The following FGF14 variants were observed in gnomAD, a reference collection of about 807,000 sequenced individuals.
FGF14 encodes the protein fibroblast growth factor homologous factor 4.
In FGF14, 5 loss-of-function variants were observed where a neutral mutation model predicts 25.5. The ratio of observed to expected loss-of-function variants is 0.20; its 90% confidence interval spans 0.10 to 0.41. FGF14 has a LOEUF of 0.41. Ranked by LOEUF, FGF14 falls within the 10% of genes least tolerant of loss-of-function variation. FGF14 has a pLI of 1.00. For missense variants in FGF14, 222 were observed against 320.1 expected, an observed-to-expected ratio of 0.69 and a Z score of 2.34; for synonymous variants, 138 against 118.3, an observed-to-expected ratio of 1.17 and a Z score of -1.08.
intron 1 of FGF14, among the ~76,000 whole-genome samples, chr13:101,923,367 AT>A (rs1444106360): frequency 1.3e-5 from 2 of 152,074 alleles, no homozygotes; most frequent in Non-Finnish European, 2.9e-5. Context: ...ATATATTGGC[AT>A]TTGTTTAAAT....
chr13:102,108,637 G>T (rs1214800932), intron 1 of FGF14, among the ~76,000 whole-genome samples: 1 of 152,150 alleles, frequency 6.6e-6, no homozygotes, highest in Non-Finnish European at 1.5e-5. Context: ...ATAGATGCAA[G>T]GGTGTGTATA....
chr13:101,872,815 C>A (rs922164648), intron 2 of FGF14, among the ~76,000 whole-genome samples: 5 of 151,966 alleles, frequency 3.3e-5, no homozygotes, highest in Non-Finnish European at 7.4e-5. Flanking sequence ...ACTTGAAATG[C>A]AATATAATGT....
chr13:102,275,234 T>TTCTCTCCCTCTCTC (rs2053456365), intron 1 of FGF14, among the ~76,000 whole-genome samples: 6 of 67,448 alleles, frequency 8.9e-5, no homozygotes, highest in African/African-American at 1.3e-4. Flanking sequence ...TTAGGCAGAT[T>TTCTCTCCCTCTCTC]TCTCTCTCTC....
rs146488901 is a variant in FGF14 at position 101,754,985 on chromosome 13, A to T, written c.409-28175T>A. 7.2e-5 allele frequency among the ~76,000 whole-genome samples: 11 copies of T among 152,314 alleles called. 1 individual carries two copies. Among genetic ancestry groups the T allele is most frequent in the African/African-American group, 2.6e-4 (11 of 41,582 alleles). ...GACATATCTTTTTGCCTAAGAACTTATACGGCATATCAACATTGTTGCAAG... is the reference window on the plus strand; with the variant it reads ...GACATATCTTTTTGCCTAAGAACTTTTACGGCATATCAACATTGTTGCAAG... On this transcript the variant is annotated intron_variant, in intron 3 of 4. Transcript: ENST00000376143.
chr13:102,096,001 G>GTGTGTATA (rs143224591), intron 1 of FGF14, among the ~76,000 whole-genome samples: 3,834 of 134,964 alleles, frequency 0.028, 67 homozygotes, highest in Non-Finnish European at 0.041. Flanking sequence ...GTGTGTGTGT[G>GTGTGTATA]TATATATATA....
intron 1 of FGF14, among the ~76,000 whole-genome samples, chr13:102,066,812 C>T (rs1429950178): frequency 6.6e-6 from 1 of 152,176 alleles, no homozygotes; most frequent in African/African-American, 2.4e-5. Context: ...AAAACAAGAG[C>T]TCCCCCCTTT....
In FGF14 at chr13:101,713,127, C is replaced by A. The variant is rs894051989; in HGVS notation, c.*9704G>T. 5 of 152,178 alleles carry A rather than the reference C, an allele frequency of 3.3e-5. No individual in the cohort carries two copies. Among genetic ancestry groups the A allele is most frequent in the African/African-American group, 9.6e-5 (4 of 41,456 alleles). The allele number at this position is 152,178 out of a possible 1,614,324, so 9.4% of individuals were successfully genotyped here. A position where few individuals can be genotyped will look rare whatever the true frequency, so the allele number is the denominator to read the frequency against. On this transcript the variant is annotated 3_prime_UTR_variant, in exon 5 of 5. Coordinates refer to ENST00000376143, the MANE Select transcript of FGF14 (RefSeq NM_004115.4). ...CTTTGAGAAGTGTGTCAAGAAATGG[C>A]AAACATTTAATTTGGACTTTGGGGA...
chr13:102,042,366 G>C (rs1201790499), intron 1 of FGF14, among the ~76,000 whole-genome samples: 1 of 152,196 alleles, frequency 6.6e-6, no homozygotes, highest in Non-Finnish European at 1.5e-5. Context: ...AGACACTGCA[G>C]TCTAGCTCAG....
At chr13:102,365,420 G>A (rs1208763619) in intron 1 of FGF14, among the ~76,000 whole-genome samples, 1 of 152,150 alleles carries the variant, frequency 6.6e-6, no homozygotes, top group African/African-American at 2.4e-5. Context: ...AATTCTTTGA[G>A]CCGGTTTCTT....
At chr13:101,870,788 T>C (rs772493499) in intron 2 of FGF14, among the ~76,000 whole-genome samples, 12 of 152,034 alleles carry the variant, frequency 7.9e-5, no homozygotes, top group Non-Finnish European at 1.5e-4. Flanking sequence ...ACCTCGTCTC[T>C]ACTAAAAATA....
chr13:102,232,437 G>C (rs2051127770), intron 1 of FGF14, among the ~76,000 whole-genome samples: 1 of 152,136 alleles, frequency 6.6e-6, no homozygotes, highest in Non-Finnish European at 1.5e-5. Flanking sequence ...ATTATATTCT[G>C]TTAGGTTTTT....
At chr13:101,887,825 G>A (rs1030147628) in intron 1 of FGF14, among the ~76,000 whole-genome samples, 3 of 152,154 alleles carry the variant, frequency 2.0e-5, no homozygotes, top group African/African-American at 7.2e-5. Context: ...TTGTAGTTAT[G>A]TATCTAAATA....
At position 102,152,855 on chromosome 13, in the gene FGF14, G is replaced by A. The variant is rs796432074; in HGVS notation, c.208+248616C>T. On this transcript the variant is annotated intron_variant, in intron 1 of 4. Transcript: ENST00000376131. ...TTAATGAACTAATGTTTCAAGTTCT[G>A]CTGAACATTTAATTTTAAAAGATGT... 4.6e-5 allele frequency among the ~76,000 whole-genome samples: 7 copies of A among 152,322 alleles called. No individual in the cohort carries two copies. The South Asian group carries it at 1.5e-3, about 32-fold the overall frequency.
intron 1 of FGF14, among the ~76,000 whole-genome samples, chr13:102,121,691 C>A (rs1327987023): frequency 2.0e-5 from 3 of 152,084 alleles, no homozygotes; most frequent in Non-Finnish European, 4.4e-5. Flanking sequence ...TGTACATACC[C>A]AAATGCTTCC....
intron 3 of FGF14, among the ~76,000 whole-genome samples, chr13:101,769,863 A>T (rs2038647594): frequency 6.6e-6 from 1 of 152,204 alleles, no homozygotes; most frequent in African/African-American, 2.4e-5. Context: ...AATACTCTGT[A>T]TGATACTATA....
intron 1 of FGF14, among the ~76,000 whole-genome samples, chr13:102,377,639 T>A (rs2139150445): frequency 6.6e-6 from 1 of 152,216 alleles, no homozygotes; most frequent in East Asian, 1.9e-4. Flanking sequence ...AGAAACCCCA[T>A]CTCTACTAAA....
intron 1 of FGF14, among the ~76,000 whole-genome samples, chr13:102,005,374 T>G (rs893661667): frequency 6.6e-6 from 1 of 152,236 alleles, no homozygotes; most frequent in African/African-American, 2.4e-5. Context: ...GATTTCTGTG[T>G]TCAATGCCAG....
At chr13:102,331,751 G>A (rs950353618) in intron 1 of FGF14, among the ~76,000 whole-genome samples, 1 of 152,062 alleles carries the variant, frequency 6.6e-6, no homozygotes, top group Non-Finnish European at 1.5e-5. Context: ...CATAATTGGT[G>A]GACAAGAGAA....
intron 1 of FGF14, among the ~76,000 whole-genome samples, chr13:101,950,007 CTTTTT>C (rs531514267): frequency 4.6e-5 from 7 of 150,770 alleles, no homozygotes; most frequent in African/African-American, 1.7e-4. Context: ...TTTTCTTTTT[CTTTTT>C]TTTTCATTTT....
Sources: allele counts gnomAD v4.1 joint callset (sites outside exome capture counted in the v4.1 genomes callset), GRCh38; gene constraint gnomAD v4.1.1; transcripts MANE v1.5; gene names NCBI Gene and HGNC (gene_info 2026-07-23, HGNC 2026-07-21).